MTUS2: variants seen among roughly 807,000 people sequenced by gnomAD.
MTUS2 encodes the protein microtubule associated scaffold protein 2.
Under a neutral mutation model 114.1 loss-of-function variants are expected in MTUS2, and 40 were observed. That is an observed-to-expected ratio of 0.35 (90% CI 0.27 to 0.46). The LOEUF (loss-of-function observed/expected upper bound fraction) is 0.46. Ranked by LOEUF, MTUS2 falls within the 20% of genes least tolerant of loss-of-function variation. MTUS2 has a pLI of 1.00. For missense variants in MTUS2, 1,679 were observed against 1,705.4 expected (o/e 0.98, Z 0.27); for synonymous variants, 688 against 672.0 (o/e 1.02, Z -0.37).
chr13:28,839,256 G>C (rs181666043), intron 1 of MTUS2, among the ~76,000 whole-genome samples: 2 of 152,088 alleles, frequency 1.3e-5, no homozygotes, highest in East Asian at 3.9e-4. Context: ...TAATATTAAT[G>C]TTGTTAATAC....
At chr13:29,300,639 T>C (rs539616126) in intron 6 of MTUS2, among the ~76,000 whole-genome samples, 19 of 152,272 alleles carry the variant, frequency 1.2e-4, no homozygotes, top group African/African-American at 4.1e-4. Flanking sequence ...ACTAGCTATA[T>C]TACATTGAAG....
At chr13:29,103,505 G>T (rs4769679) in intron 5 of MTUS2, among the ~76,000 whole-genome samples, 148,751 of 152,356 alleles carry the variant, frequency 0.98, 72,677 homozygotes, top group Non-Finnish European at 0.99. Flanking sequence ...TATAGGGTAC[G>T]TAAGCACGAA....
intron 1 of MTUS2, among the ~76,000 whole-genome samples, chr13:28,833,410 AAATC>A (rs931161534): frequency 1.3e-5 from 2 of 152,274 alleles, no homozygotes; most frequent in African/African-American, 4.8e-5. Context: ...TAACATCTGA[AAATC>A]AATCAATTTA....
At chr13:29,103,150 T>C (rs1411786835) in intron 5 of MTUS2, among the ~76,000 whole-genome samples, 2 of 152,236 alleles carry the variant, frequency 1.3e-5, no homozygotes, top group African/African-American at 2.4e-5. Context: ...GATTATGTCA[T>C]GCAGAGTAGA....
intron 8 of MTUS2, among the ~76,000 whole-genome samples, chr13:29,403,859 A>G (rs904981734): frequency 4.0e-5 from 6 of 151,854 alleles, no homozygotes; most frequent in Non-Finnish European, 5.9e-5. Flanking sequence ...CTACCTATCT[A>G]TCTGGTTTCT....
At chr13:28,948,115 A>G (rs139076680) in intron 2 of MTUS2, among the ~76,000 whole-genome samples, 6 of 152,256 alleles carry the variant, frequency 3.9e-5, no homozygotes, top group Non-Finnish European at 7.4e-5. Context: ...CGATGTAGCT[A>G]TTTTTCACTA....
At chr13:29,258,579 C>A (rs991910079) in intron 5 of MTUS2, among the ~76,000 whole-genome samples, 3 of 152,184 alleles carry the variant, frequency 2.0e-5, no homozygotes, top group African/African-American at 7.2e-5. Context: ...ACAACACGTG[C>A]CTTGATTACA....
intron 1 of MTUS2, among the ~76,000 whole-genome samples, chr13:28,823,407 C>T (rs1874043252): frequency 6.6e-6 from 1 of 152,224 alleles, no homozygotes; most frequent in Non-Finnish European, 1.5e-5. Flanking sequence ...GGAGTTTCCC[C>T]TTTTCTCTGA....
intron 3 of MTUS2, among the ~76,000 whole-genome samples, chr13:29,030,438 C>T (rs552862696): frequency 7.9e-5 from 12 of 152,298 alleles, no homozygotes; most frequent in East Asian, 3.9e-4. Context: ...ATCATCAGAA[C>T]GAGACCCAGG....
chr13:29,466,444 T>C (rs1879890988), intron 9 of MTUS2, among the ~76,000 whole-genome samples: 1 of 152,232 alleles, frequency 6.6e-6, no homozygotes, highest in African/African-American at 2.4e-5. Context: ...TTGATGTATT[T>C]GGTTGTAATC....
chr13:28,862,384 G>C (rs371190912), intron 2 of MTUS2, among the ~76,000 whole-genome samples: 1 of 152,234 alleles, frequency 6.6e-6, no homozygotes, highest in Non-Finnish European at 1.5e-5. Flanking sequence ...GCCGAGGCGG[G>C]TGCATCACCT....
At chr13:29,440,658 G>T (rs555354538) in intron 9 of MTUS2, among the ~76,000 whole-genome samples, 2 of 151,880 alleles carry the variant, frequency 1.3e-5, no homozygotes, top group African/African-American at 4.8e-5. Context: ...CTTCCCTCTC[G>T]ACCATCTGTT....
chr13:29,221,060 C>T lies in MTUS2; in HGVS notation c.2645-60644C>T, dbSNP rs1895888104. Among the ~76,000 whole-genome samples, 3 of 126,714 alleles carry T rather than the reference C, an allele frequency of 2.4e-5. No individual in the cohort carries two copies. In the South Asian group the frequency reaches 8.5e-4, roughly 36 times the overall value. The allele number at this position is 126,714 out of a possible 152,430, so 83.1% of individuals were successfully genotyped here. A position where few individuals can be genotyped will look rare whatever the true frequency, so the allele number is the denominator to read the frequency against. On this transcript the variant is annotated intron_variant, in intron 5 of 15. Transcript: ENST00000612955. ...ACATCGTTCTCTCACAGTCTTCCTC[C>T]TCCAGGGTTCCCTAGAGAATTAAGC...
intron 1 of MTUS2, among the ~76,000 whole-genome samples, chr13:28,838,594 C>G (rs146113522): frequency 3.5e-4 from 53 of 152,292 alleles, no homozygotes; most frequent in African/African-American, 1.2e-3. Flanking sequence ...CATCCATCTG[C>G]CCCCTGCATC....
chr13:29,397,493 G>A lies in MTUS2; in HGVS notation c.3117+38020G>A, dbSNP rs150242836. Reference sequence around the variant, plus strand: ...GACCAGCAGCATTGGCGATGTCTGGGAACGTTTTGGAAATGCATGGTCTCA... The same window carrying A: ...GACCAGCAGCATTGGCGATGTCTGGAAACGTTTTGGAAATGCATGGTCTCA... On this transcript the variant is annotated intron_variant, in intron 8 of 15. Transcript: ENST00000612955. Among the ~76,000 whole-genome samples the A allele has an allele frequency of 2.5e-4, 38 of 152,302 alleles. No homozygotes were observed. The East Asian group carries it at 7.1e-3, about 29-fold the overall frequency.
chr13:28,872,532 G>A (rs1244317546), intron 2 of MTUS2, among the ~76,000 whole-genome samples: 1 of 152,122 alleles, frequency 6.6e-6, no homozygotes, highest in Non-Finnish European at 1.5e-5. Flanking sequence ...TGGAAGACTG[G>A]GCATCTGGTG....
intron 15 of MTUS2, 25 bp from the exon 16 acceptor site, chr13:29,502,968 C>G: frequency 6.2e-7 from 1 of 1,610,520 alleles, no homozygotes; most frequent in Non-Finnish European, 8.5e-7. Flanking sequence ...ATGATTGCTA[C>G]TTATTTGTCA....
chr13:29,051,192 G>A (rs941386642), intron 4 of MTUS2, among the ~76,000 whole-genome samples: 7 of 152,152 alleles, frequency 4.6e-5, no homozygotes, highest in African/African-American at 1.7e-4. Context: ...AAGGAGAAAG[G>A]GGTGAAATTA....
intron 2 of MTUS2, among the ~76,000 whole-genome samples, chr13:28,950,973 A>G (rs1331882347): frequency 1.3e-5 from 2 of 152,224 alleles, no homozygotes; most frequent in Non-Finnish European, 2.9e-5. Context: ...AACAAGGTGT[A>G]CCTGTAAAAG....
Sources: allele counts gnomAD v4.1 joint callset (sites outside exome capture counted in the v4.1 genomes callset), GRCh38; gene constraint gnomAD v4.1.1; transcripts MANE v1.5; gene names NCBI Gene and HGNC (gene_info 2026-07-23, HGNC 2026-07-21).